DIAPH3: variants seen among roughly 807,000 people sequenced by gnomAD.
DIAPH3 encodes the protein diaphanous related formin 3.
DIAPH3 carries 117 observed loss-of-function variants against 144.3 expected under a neutral mutation model. That is an observed-to-expected ratio of 0.81 (90% CI 0.70 to 0.95). The LOEUF (loss-of-function observed/expected upper bound fraction) is 0.95. Ranked by LOEUF, DIAPH3 falls within the 40% of genes least tolerant of loss-of-function variation. The probability of loss-of-function intolerance (pLI) is 0.00; values close to 1 mark genes in which losing one functional copy is unlikely to be tolerated. For missense variants in DIAPH3, 1,421 were observed against 1,412.7 expected (o/e 1.01, Z -0.09); for synonymous variants, 519 against 488.9 (o/e 1.06, Z -0.81).
intron 25 of DIAPH3, among the ~76,000 whole-genome samples, chr13:59,775,067 C>T (rs1336984730): frequency 1.3e-5 from 2 of 152,172 alleles, no homozygotes; most frequent in Admixed American, 6.5e-5. Context: ...CACGGATTCA[C>T]TTCAGAGCAC....
At chr13:59,951,672 T>C (rs986877510) in intron 17 of DIAPH3, among the ~76,000 whole-genome samples, 2 of 152,192 alleles carry the variant, frequency 1.3e-5, no homozygotes, top group Non-Finnish European at 2.9e-5. Context: ...TTTTCTGTTA[T>C]GTCCCATCAA....
At chr13:60,123,221 T>C (rs1272677870) in intron 2 of DIAPH3, among the ~76,000 whole-genome samples, 1 of 152,198 alleles carries the variant, frequency 6.6e-6, no homozygotes, top group Non-Finnish European at 1.5e-5. Context: ...TAAGATCAAG[T>C]GACCTTCCAG....
At chr13:59,996,603 G>A (rs1415848394) in intron 9 of DIAPH3, among the ~76,000 whole-genome samples, 3 of 151,962 alleles carry the variant, frequency 2.0e-5, no homozygotes, top group Admixed American at 6.6e-5. Flanking sequence ...ACTGGAAAGC[G>A]AGCGGCCAAA....
At chr13:59,826,059 C>A (rs2041395717) in intron 24 of DIAPH3, among the ~76,000 whole-genome samples, 2 of 152,100 alleles carry the variant, frequency 1.3e-5, no homozygotes, top group Non-Finnish European at 2.9e-5. Context: ...CTAGGACAAA[C>A]CCACAGCCAA....
At chr13:60,087,094 T>C (rs1240936644) in intron 4 of DIAPH3, among the ~76,000 whole-genome samples, 2 of 152,216 alleles carry the variant, frequency 1.3e-5, no homozygotes, top group Non-Finnish European at 2.9e-5. Flanking sequence ...TAAATAGTCA[T>C]TATATTGTTT....
chr13:59,670,784 T>C (rs563477223), intron 27 of DIAPH3, among the ~76,000 whole-genome samples: 21 of 152,112 alleles, frequency 1.4e-4, no homozygotes, highest in South Asian at 1.0e-3. Flanking sequence ...GGGGTTTCAC[T>C]GTGTTAGCCA....
intron 22 of DIAPH3, among the ~76,000 whole-genome samples, chr13:59,847,651 A>T (rs1376242212): frequency 6.6e-6 from 1 of 152,216 alleles, no homozygotes; most frequent in East Asian, 1.9e-4. Flanking sequence ...TTCCCTTAGT[A>T]TAATGGTTCT....
chr13:60,148,262 C>G (rs965110247), intron 1 of DIAPH3, among the ~76,000 whole-genome samples: 4 of 152,146 alleles, frequency 2.6e-5, no homozygotes, highest in African/African-American at 7.2e-5. Context: ...GACAAAAGCT[C>G]AAAAGACCAT....
At chr13:59,696,552 T>C (rs2033813635) in intron 27 of DIAPH3, among the ~76,000 whole-genome samples, 1 of 152,226 alleles carries the variant, frequency 6.6e-6, no homozygotes, top group Non-Finnish European at 1.5e-5. Context: ...GATCTCACTG[T>C]TATTTCAAAC....
intron 27 of DIAPH3, among the ~76,000 whole-genome samples, chr13:59,699,408 GA>G (rs1364170180): frequency 6.6e-6 from 1 of 152,202 alleles, no homozygotes; most frequent in Non-Finnish European, 1.5e-5. Flanking sequence ...TGGAGTAGCA[GA>G]AATGAGGTCA....
intron 27 of DIAPH3, among the ~76,000 whole-genome samples, chr13:59,748,949 C>T (rs1173589273): frequency 6.6e-6 from 1 of 152,090 alleles, no homozygotes; most frequent in East Asian, 1.9e-4. Flanking sequence ...TGCGGTGGCT[C>T]ATGCCTATAA....
At chr13:60,038,204 T>A (rs1388008379) in intron 5 of DIAPH3, among the ~76,000 whole-genome samples, 1 of 152,114 alleles carries the variant, frequency 6.6e-6, no homozygotes, top group Non-Finnish European at 1.5e-5. Context: ...ATTATATGTC[T>A]CAGCCTCATT....
At chr13:59,966,522 T>TA (rs1273931247) in intron 17 of DIAPH3, among the ~76,000 whole-genome samples, 1 of 152,138 alleles carries the variant, frequency 6.6e-6, no homozygotes, top group Non-Finnish European at 1.5e-5. Flanking sequence ...CTGATATAGA[T>TA]ATTAGCTCCT....
intron 17 of DIAPH3, among the ~76,000 whole-genome samples, chr13:59,929,602 G>A (rs1250158144): frequency 7.6e-5 from 9 of 118,238 alleles, no homozygotes; most frequent in South Asian, 2.7e-4. Flanking sequence ...TTGCTCTGTC[G>A]CCCAGGCCAG....
chr13:59,925,013 A>T, intron 17 of DIAPH3, 143 bp from the exon 18 acceptor site: 2 of 1,395,616 alleles, frequency 1.4e-6, no homozygotes, highest in South Asian at 2.8e-5. Flanking sequence ...AAAACGATAG[A>T]TATCCCAAGA....
intron 18 of DIAPH3, among the ~76,000 whole-genome samples, chr13:59,920,227 A>G (rs2047439851): frequency 6.6e-6 from 1 of 151,934 alleles, no homozygotes; most frequent in Non-Finnish European, 1.5e-5. Context: ...ATCTAAATGG[A>G]CTGAATTCTC....
intron 20 of DIAPH3, among the ~76,000 whole-genome samples, chr13:59,907,535 T>C (rs2046799675): frequency 6.6e-6 from 1 of 152,170 alleles, no homozygotes; most frequent in Non-Finnish European, 1.5e-5. Context: ...AATAATATAA[T>C]TAAGCTCTAA....
In DIAPH3 at chr13:60,049,405, G is replaced by GT. The variant is rs1235643444; in HGVS notation, c.496-6586dup. On this transcript the variant is annotated intron_variant, in intron 4 of 27. Transcript: ENST00000400324. The stretch of plus-strand genomic sequence containing the variant: ...ATAATTACTTCAGCCATATTGAACT[G>GT]TCCAACTTGAACAATTTGTTGCCTC... 1.2e-4 allele frequency among the ~76,000 whole-genome samples: 19 copies of GT among 152,258 alleles called. No homozygotes were observed. The East Asian group carries it at 3.7e-3, about 29-fold the overall frequency.
chr13:60,079,178 G>C (rs1042616762), intron 4 of DIAPH3, among the ~76,000 whole-genome samples: 3 of 152,010 alleles, frequency 2.0e-5, no homozygotes, highest in Non-Finnish European at 4.4e-5. Context: ...GACCCCATTG[G>C]GGAAAGGGCA....
Sources: allele counts gnomAD v4.1 joint callset (sites outside exome capture counted in the v4.1 genomes callset), GRCh38; gene constraint gnomAD v4.1.1; transcripts MANE v1.5; gene names NCBI Gene and HGNC (gene_info 2026-07-23, HGNC 2026-07-21).